Variants in TUBB3 observed in about 807,000 individuals in gnomAD.
TUBB3 encodes the protein tubulin beta 3 class III.
Under a neutral mutation model 37.8 loss-of-function variants are expected in TUBB3, and 17 were observed. The observed-to-expected ratio is 0.45, with a 90% CI of 0.31 to 0.67. The LOEUF is 0.67. Among genes scored for constraint, TUBB3 ranks in the 30% least tolerant of loss-of-function variants. The probability of loss-of-function intolerance (pLI) is 0.07; values close to 1 mark genes in which losing one functional copy is unlikely to be tolerated. For missense variants in TUBB3, 262 were observed against 657.9 expected, an observed-to-expected ratio of 0.40 and a Z score of 6.58; for synonymous variants, 332 against 278.9, an observed-to-expected ratio of 1.19 and a Z score of -1.90.
Position 89,933,463 on chromosome 16 carries a change from C to T in TUBB3, c.167-5C>T, listed in dbSNP as rs147928399. 109 of 1,612,800 alleles carry T rather than the reference C, an allele frequency of 6.8e-5. No individual in the cohort carries two copies. The highest frequency in any genetic ancestry group is 8.9e-5 in the Non-Finnish European group (105 of 1,178,886). Reference sequence around the variant, plus strand: ...CCGAATCACCGAGCCCCTCTCTCCCCTCAGCTCACAAGTACGTGCCTCGAG... The same window carrying T: ...CCGAATCACCGAGCCCCTCTCTCCCTTCAGCTCACAAGTACGTGCCTCGAG... On this transcript the variant is annotated splice_region_variant and splice_polypyrimidine_tract_variant and intron_variant, in intron 2 of 3. Coordinates refer to ENST00000315491, the MANE Select transcript of TUBB3 (RefSeq NM_006086.4).
At chr16:89,923,156 GC>G (rs1567760159), upstream of TUBB3, 1 of 178,648 alleles carries the variant, frequency 5.6e-6, no homozygotes, top group Non-Finnish European at 1.2e-5. Context: ...CCGGCCCAGC[GC>G]TGGGGGATCC....
At position 89,923,386 on chromosome 16, in the gene TUBB3, G is replaced by A. The variant is rs764931891; in HGVS notation, c.-16G>A. 43 of 1,470,082 alleles carry A rather than the reference G, an allele frequency of 2.9e-5. No homozygotes were observed. The East Asian group carries it at 1.2e-3, about 41-fold the overall frequency. 91.1% of individuals were successfully genotyped at this position (1,470,082 alleles called of 1,614,324 possible). ...CGCCCGCGCCCGTCCGCAGCCGCCC[G>A]CCAGACGCGCCCAGTATGAGGGAGA... On this transcript the variant is annotated 5_prime_UTR_variant, in exon 1 of 4. Transcript: ENST00000315491.
rs540262834 is a variant in TUBB3, at chr16:89,933,650, G to A, written c.277+72G>A. 1.6e-4 allele frequency: 189 copies of A among 1,189,934 alleles called. 1 individual carries two copies. The highest frequency in any genetic ancestry group is 1.3e-3 in the South Asian group (109 of 82,842). The allele number at this position is 1,189,934 out of a possible 1,614,324, so 73.7% of individuals were successfully genotyped here. A position where few individuals can be genotyped will look rare whatever the true frequency, so the allele number is the denominator to read the frequency against. Reference sequence around the variant, plus strand: ...CAAGCCCAGGTCGGTGGACGGGGACGGCTGTGAGAAACAAGGAATGGTCAG... The same window carrying A: ...CAAGCCCAGGTCGGTGGACGGGGACAGCTGTGAGAAACAAGGAATGGTCAG... On this transcript the variant is annotated intron_variant, in intron 3 of 3. Transcript: ENST00000315491.
At chr16:89,923,743 T>A (rs1046460073) in intron 1 of TUBB3, among the ~76,000 whole-genome samples, 2 of 151,634 alleles carry the variant, frequency 1.3e-5, no homozygotes, top group African/African-American at 2.4e-5. Flanking sequence ...CTGCACCCCC[T>A]CCACCGGGCC....
In TUBB3 at chr16:89,932,588, TGATGAGCATGGCATC is replaced by T. The variant is rs2030316686; in HGVS notation, c.78_92del (p.Glu27_Asp31del). Reference sequence around the variant, plus strand: ...GTTTGCAGTTCTGGGAAGTCATCAGTGATGAGCATGGCATCGACCCCAGCGGCAACTACGTGGGCG... The same window carrying T: ...GTTTGCAGTTCTGGGAAGTCATCAGTGACCCCAGCGGCAACTACGTGGGCG... On this transcript the variant is annotated inframe_deletion, in exon 2 of 4. Transcript: ENST00000315491. The T allele has an allele frequency of 6.2e-7, 1 of 1,613,968 alleles. No individual in the cohort carries two copies.
chr16:89,933,275 G>A (rs766661699), intron 2 of TUBB3, 193 bp from the exon 3 acceptor site: 20 of 717,196 alleles, frequency 2.8e-5, no homozygotes, highest in African/African-American at 2.4e-4. Flanking sequence ...GTCCTGCTCC[G>A]TCCTTAAACA....
intron 1 of TUBB3, chr16:89,931,604 A>G (rs147984480): frequency 1.3e-5 from 2 of 157,554 alleles, no homozygotes; most frequent in African/African-American, 4.8e-5. Flanking sequence ...CGTTTGCCAT[A>G]TACCATTTAT....
chr16:89,933,760 G>A (rs893392866), intron 3 of TUBB3, 182 bp downstream of exon 3: 7 of 710,744 alleles, frequency 9.8e-6, no homozygotes, highest in African/African-American at 7.0e-5. Flanking sequence ...GTTCTGTGGG[G>A]AGAACAGAAA....
At chr16:89,932,446 G>A (rs944555425) in intron 1 of TUBB3, 125 bp from the exon 2 acceptor site, 9 of 745,888 alleles carry the variant, frequency 1.2e-5, no homozygotes, top group Non-Finnish European at 1.9e-5. Flanking sequence ...TTCTGAATGG[G>A]GCTCGTGGAG....
At chr16:89,923,324 C>G, upstream of TUBB3, 2 of 1,246,710 alleles carry the variant, frequency 1.6e-6, no homozygotes, top group Non-Finnish European at 2.1e-6. Flanking sequence ...TAAGAGCGCG[C>G]GGCCGCGGTC....
intron 1 of TUBB3, 147 bp downstream of exon 1, chr16:89,923,605 CGGG>C: frequency 1.3e-6 from 1 of 743,658 alleles, no homozygotes; most frequent in Non-Finnish European, 1.8e-6. Context: ...GGCCGGGACG[CGGG>C]GCCCCCGCCC....
At position 89,933,557 on chromosome 16, in the gene TUBB3, A is replaced by G. The variant is rs1294173530; in HGVS notation, c.256A>G (p.Arg86Gly). ...VRSGAFGHLF[R>G]PDNFIFGQSG... ...CTCAGGGGCCTTTGGACATCTCTTC[A>G]GGCCTGACAATTTCATCTTTGGTAA... The change falls in exon 3 of 4, where the codon AGG becomes GGG. Residue 86 changes from arginine (R) to glycine (G), a missense_variant. Arg to Gly is a moderately radical substitution (Grantham distance 125, BLOSUM62 -2). This residue lies in a region of TUBB3 where 165 missense variants were observed against 556.8 expected (regional missense o/e 0.30). Coordinates refer to ENST00000315491, the MANE Select transcript of TUBB3 (RefSeq NM_006086.4). The G allele has an allele frequency of 6.2e-7, 1 of 1,613,998 alleles. No homozygotes were observed. The highest frequency in any genetic ancestry group is 8.5e-7 in the Non-Finnish European group (1 of 1,179,952).
At chr16:89,928,851 A>G (rs1271811343) in intron 1 of TUBB3, among the ~76,000 whole-genome samples, 1 of 151,216 alleles carries the variant, frequency 6.6e-6, no homozygotes, top group Admixed American at 6.6e-5. Context: ...TTTAGTAGAG[A>G]TGGGGTTTCA....
intron 1 of TUBB3, among the ~76,000 whole-genome samples, 179 bp from the exon 2 acceptor site, chr16:89,932,388 ATATT>A (rs1320834834): frequency 6.6e-6 from 1 of 152,112 alleles, no homozygotes; most frequent in African/African-American, 2.4e-5. Flanking sequence ...GTGGAGGTGC[ATATT>A]TATTATGGCA....
chr16:89,929,927 C>T (rs1056704775), intron 1 of TUBB3, among the ~76,000 whole-genome samples: 15 of 151,784 alleles, frequency 9.9e-5, no homozygotes, highest in Non-Finnish European at 1.9e-4. Flanking sequence ...TCTTGAACTC[C>T]TGACCTCAGA....
chr16:89,934,236 ATGCCACGTTCCCATG>A (rs2030375166), intron 3 of TUBB3: 1 of 435,604 alleles, frequency 2.3e-6, no homozygotes, highest in African/African-American at 2.0e-5. Flanking sequence ...GGGGCCGTGG[ATGCCACGTTCCCATG>A]TCTGTGTCCT....
In TUBB3 at chr16:89,934,897, C is replaced by T. The variant is rs2030399551; in HGVS notation, c.446C>T (p.Thr149Met). ...LGGGTGSGMGTLLISKVREEY... is the reference protein window; with the variant it reads ...LGGGTGSGMGMLLISKVREEY... The stretch of plus-strand genomic sequence containing the variant: ...GGCGGCACGGGCTCCGGCATGGGCA[C>T]GTTGCTCATCAGCAAGGTGCGTGAG... The change falls in exon 4 of 4, where the codon ACG becomes ATG. Residue 149 changes from threonine (T) to methionine (M), a missense_variant. Physicochemically the swap from Thr to Met is moderately conservative, Grantham distance 81. This residue lies in a region of TUBB3 where 165 missense variants were observed against 556.8 expected (regional missense o/e 0.30). Transcript: ENST00000315491. 2 of 1,614,132 alleles carry T rather than the reference C, an allele frequency of 1.2e-6. No individual in the cohort carries two copies. Among genetic ancestry groups the T allele is most frequent in the Non-Finnish European group, 1.7e-6 (2 of 1,180,010 alleles).
intron 1 of TUBB3, chr16:89,932,220 AAACT>A: frequency 2.7e-6 from 1 of 367,954 alleles, no homozygotes; most frequent in East Asian, 6.4e-5. Context: ...GGGATAGTAA[AAACT>A]AACCCTCAAG....
Position 89,923,363 on chromosome 16 carries a change from CCCGCGCCCGT to C in TUBB3, c.-34_-25del. 1 of 1,442,302 alleles carries C rather than the reference CCCGCGCCCGT, an allele frequency of 6.9e-7. No individual in the cohort carries two copies. 89.3% of individuals were successfully genotyped at this position (1,442,302 alleles called of 1,614,324 possible). On this transcript the variant is annotated 5_prime_UTR_variant, in exon 1 of 4. Coordinates refer to ENST00000315491, the MANE Select transcript of TUBB3 (RefSeq NM_006086.4). ...GACCCTCAGCAGCCAGCCCGGCCCG[CCCGCGCCCGT>C]CCGCAGCCGCCCGCCAGACGCGCCC...
Sources: allele counts gnomAD v4.1 joint callset (sites outside exome capture counted in the v4.1 genomes callset), GRCh38; gene constraint gnomAD v4.1.1; regional missense constraint gnomAD v4.1.1; transcripts MANE v1.5; gene names NCBI Gene and HGNC (gene_info 2026-07-23, HGNC 2026-07-21).